PC: variants seen among roughly 807,000 people sequenced by gnomAD.
PC encodes pyruvate carboxylase, mitochondrial.
A neutral mutation model predicts 107.8 loss-of-function variants in PC; 46 were observed. The observed-to-expected ratio is 0.43, with a 90% CI of 0.34 to 0.55. PC has a LOEUF of 0.55. Ranked by LOEUF, PC falls within the 20% of genes least tolerant of loss-of-function variation. The probability of loss-of-function intolerance (pLI) is 0.04; values close to 1 mark genes in which losing one functional copy is unlikely to be tolerated. For missense variants in PC, 1,241 were observed against 1,643.1 expected (o/e 0.76, Z 4.23); for synonymous variants, 662 against 684.7 (o/e 0.97, Z 0.52).
rs763298490 is a variant in PC at position 66,853,240 on chromosome 11, G to A, written c.1512C>T (p.Leu504=). The part of the protein sequence containing the change: ...QNRAQKLLHY[L]GHVMVNGPTT... The stretch of plus-strand genomic sequence containing the variant: ...GGGCAGGGCAGTCTCGGGCCAGACC[G>A]AGGTAGTGCAACAGCTTTTGGGCCC... Residue 504 remains leucine, a splice_region_variant and synonymous_variant, in exon 13 of 23, where the codon CTC becomes CTT. Transcript: ENST00000393960. 75 of 1,613,788 alleles carry A rather than the reference G, an allele frequency of 4.6e-5. No homozygotes were observed. The highest frequency in any genetic ancestry group is 7.7e-5 in the South Asian group (7 of 91,074).
Position 66,848,476 on chromosome 11 carries a change from C to A in PC, c.*423G>T, listed in dbSNP as rs1945282985. The stretch of plus-strand genomic sequence containing the variant: ...CATGGGGAGCTTGAAAGGCAGCCCC[C>A]CACTGCTGAGTGGTGCAGGCTGGGG... On this transcript the variant is annotated 3_prime_UTR_variant, in exon 23 of 23. Coordinates refer to ENST00000393960, the MANE Select transcript of PC (RefSeq NM_001040716.2). 1 of 547,084 alleles carries A rather than the reference C, an allele frequency of 1.8e-6. No individual in the cohort carries two copies. Among genetic ancestry groups the A allele is most frequent in the Non-Finnish European group, 3.2e-6 (1 of 311,638 alleles). The allele number at this position is 547,084 out of a possible 1,614,324, so 33.9% of individuals were successfully genotyped here. A position where few individuals can be genotyped will look rare whatever the true frequency, so the allele number is the denominator to read the frequency against.
At chr11:66,903,752 G>GAAAAAA (rs1175402409) in intron 3 of PC, among the ~76,000 whole-genome samples, 27 of 76,184 alleles carry the variant, frequency 3.5e-4, no homozygotes, top group Non-Finnish European at 5.4e-4. Flanking sequence ...TCCATCTCAG[G>GAAAAAA]AAAAAAAAAA....
In PC at chr11:66,873,671, A is replaced by G. The variant is rs1473731056; in HGVS notation, c.1-1512T>C. Among the ~76,000 whole-genome samples, 4 of 148,004 alleles carry G rather than the reference A, an allele frequency of 2.7e-5. No individual in the cohort carries two copies. The East Asian group carries it at 7.9e-4, about 29-fold the overall frequency. On this transcript the variant is annotated intron_variant, in intron 3 of 22. Coordinates refer to ENST00000393960, the MANE Select transcript of PC (RefSeq NM_001040716.2). ...TTTGTAAAATGAAGGAAACCAAGGT[A>G]CAGTGGAGACTAAAAAGACAGCTGC...
Position 66,850,811 on chromosome 11 carries a change from C to G in PC, c.2336G>C (p.Gly779Ala). Residue 779 changes from glycine (G) to alanine (A), a missense_variant, in exon 18 of 23, where the codon GGC becomes GCC. Gly to Ala is a moderately conservative substitution (Grantham distance 60, BLOSUM62 0). This residue lies in a region of PC where 1,143 missense variants were observed against 1,551.9 expected (regional missense o/e 0.74). Transcript: ENST00000393960. ...GGCACAGGCCAGCATGGCTGCCACG[C>G]CTGCCCCTGACGTGTCGTGGGTGTG... ...HIHTHDTSGA[G>A]VAAMLACAQA... is the part of the protein sequence containing the mutation. 6.2e-7 allele frequency: 1 copy of G among 1,612,072 alleles called. No homozygotes were observed. Among genetic ancestry groups the G allele is most frequent in the Non-Finnish European group, 8.5e-7 (1 of 1,180,016 alleles).
intron 3 of PC, among the ~76,000 whole-genome samples, chr11:66,895,537 A>C (rs1282561176): frequency 6.6e-6 from 1 of 152,236 alleles, no homozygotes; most frequent in African/African-American, 2.4e-5. Flanking sequence ...AGAAACGATT[A>C]CATCAGTGAA....
At position 66,861,132 on chromosome 11, in the gene PC, T is replaced by G. The variant is rs762482158; in HGVS notation, c.1368+2642A>C. Among the ~76,000 whole-genome samples, 70 of 152,182 alleles carry G rather than the reference T, an allele frequency of 4.6e-4. 1 individual carries two copies. Among genetic ancestry groups the G allele is most frequent in the Admixed American group, 2.5e-3 (38 of 15,288 alleles). ...TCTGGGCCTTCCTGGGAAGGCGGCC[T>G]TCGCCCTCCCTCGCTGCAGGGAGGC... On this transcript the variant is annotated intron_variant, in intron 12 of 22. Coordinates refer to ENST00000393960, the MANE Select transcript of PC (RefSeq NM_001040716.2).
At chr11:66,955,193 C>A (rs1218153382) in intron 1 of PC, among the ~76,000 whole-genome samples, 1 of 152,180 alleles carries the variant, frequency 6.6e-6, no homozygotes, top group Non-Finnish European at 1.5e-5. Context: ...TTGTTCCTGG[C>A]ACTATTAGGT....
chr11:66,859,882 T>C (rs1946136734), intron 12 of PC: 2 of 1,567,916 alleles, frequency 1.3e-6, no homozygotes, highest in Non-Finnish European at 1.7e-6. Flanking sequence ...GCCTTACTGG[T>C]CTTCACTGTG....
At chr11:66,864,027 C>A in intron 11 of PC, 71 bp from the exon 12 acceptor site, 4 of 1,512,516 alleles carry the variant, frequency 2.6e-6, no homozygotes, top group South Asian at 1.1e-5. Flanking sequence ...CACCCCGAGG[C>A]TGGCCAGGTG....
Position 66,852,649 on chromosome 11 carries a change from C to A in PC, c.1615G>T (p.Ala539Ser). The A allele has an allele frequency of 6.2e-7, 1 of 1,613,622 alleles. No homozygotes were observed. The highest frequency in any genetic ancestry group is 8.5e-7 in the Non-Finnish European group (1 of 1,179,650). The change falls in exon 15 of 23, where the codon GCT becomes TCT. Residue 539 changes from alanine to serine, a missense_variant. By Grantham distance (99) the Ala-to-Ser change is moderately conservative. Transcript: ENST00000393960. This position sits in a 1 kb window ranked among gnomAD's most constrained non-coding sequence, Gnocchi z 4.7. ...VPAVPIGPPPAGFRDILLREG... is the reference protein window; with the variant it reads ...VPAVPIGPPPSGFRDILLREG... ...CGCAGCAGGATGTCTCTGAAACCAG[C>A]CGGGGGCGGGCCTAGGGTAGACAGG...
chr11:66,943,325 C>T (rs767127528), intron 3 of PC, among the ~76,000 whole-genome samples: 1 of 151,914 alleles, frequency 6.6e-6, no homozygotes, highest in African/African-American at 2.4e-5. Context: ...TGCCTTGTCC[C>T]TTCCACCCTG....
intron 3 of PC, among the ~76,000 whole-genome samples, chr11:66,879,695 G>A (rs1253318855): frequency 1.3e-5 from 2 of 152,216 alleles, no homozygotes; most frequent in Admixed American, 6.5e-5. Context: ...GGGAGGTTGG[G>A]TCACGCAGAG....
chr11:66,952,184 C>T (rs562179440), intron 3 of PC: 1 of 152,270 alleles, frequency 6.6e-6, no homozygotes, highest in Non-Finnish European at 1.5e-5. Context: ...GAACCAGGGC[C>T]TTCTGCTGAG....
intron 12 of PC, among the ~76,000 whole-genome samples, chr11:66,854,407 T>G (rs985996114): frequency 6.6e-6 from 1 of 152,186 alleles, no homozygotes; most frequent in Non-Finnish European, 1.5e-5. Context: ...GGCTTCATCC[T>G]CTGCTTGTCT....
chr11:66,876,008 A>G (rs1946963549), intron 3 of PC, among the ~76,000 whole-genome samples: 1 of 152,048 alleles, frequency 6.6e-6, no homozygotes, highest in South Asian at 2.1e-4. Flanking sequence ...ACTGGCTTGG[A>G]CTCTTCAAAC....
At chr11:66,903,105 T>C (rs1040019405) in intron 3 of PC, among the ~76,000 whole-genome samples, 2 of 152,190 alleles carry the variant, frequency 1.3e-5, no homozygotes, top group Non-Finnish European at 2.9e-5. Context: ...ATTAGCTTGC[T>C]GAAAACCCCC....
chr11:66,923,455 T>A (rs1256003861), intron 3 of PC, among the ~76,000 whole-genome samples: 1 of 151,346 alleles, frequency 6.6e-6, no homozygotes, highest in Non-Finnish European at 1.5e-5. Context: ...AAGAGACCCA[T>A]CGGTTCATTC....
chr11:66,859,542 G>C, intron 12 of PC: 2 of 1,565,634 alleles, frequency 1.3e-6, no homozygotes, highest in Middle Eastern at 1.8e-4. Flanking sequence ...TGGCCCCAGG[G>C]GGAGGGGTGT....
intron 3 of PC, among the ~76,000 whole-genome samples, chr11:66,875,699 G>A (rs1946950683): frequency 1.3e-5 from 2 of 152,128 alleles, no homozygotes; most frequent in African/African-American, 4.8e-5. Flanking sequence ...TGGGGGCTGG[G>A]AAGGGGCCAC....
Sources: gnomAD v4.1 joint callset for allele counts (sites outside exome capture counted in the v4.1 genomes callset) on GRCh38, gnomAD v4.1.1 for gene constraint, gnomAD v4.1.1 regional missense constraint, Gnocchi (gnomAD v3.1) non-coding constraint, MANE v1.5 for transcripts, NCBI Gene and HGNC (gene_info 2026-07-23, HGNC 2026-07-21) for gene names.